STX8: variants seen among roughly 807,000 people sequenced by gnomAD.
The protein encoded by STX8 is syntaxin 8, also known as syntaxin-8.
A neutral mutation model predicts 37.5 loss-of-function variants in STX8; 23 were observed. That is an observed-to-expected ratio of 0.61 (90% CI 0.44 to 0.87). The LOEUF (loss-of-function observed/expected upper bound fraction) is 0.87, where lower values mean the gene tolerates loss of function less well. Among genes scored for constraint, STX8 ranks in the 40% least tolerant of loss-of-function variants. STX8 has a pLI of 0.00. For missense variants in STX8, 313 were observed against 284.7 expected (o/e 1.10, Z -0.71); for synonymous variants, 115 against 99.1 (o/e 1.16, Z -0.95).
chr17:9,515,492 T>TTC lies in STX8; in HGVS notation c.324-10332_324-10331dup, dbSNP rs142393139. Among the ~76,000 whole-genome samples the TTC allele has an allele frequency of 4.8e-3, 721 of 149,818 alleles. 7 individuals are homozygous for TTC. Among genetic ancestry groups the TTC allele is most frequent in the African/African-American group, 0.015 (595 of 40,966 alleles). ...CGACAGGTGTGTTTCTTTGAAGTCT[T>TTC]TCTCTCTCTCTCTCTCTCTCATTCA... On this transcript the variant is annotated intron_variant, in intron 4 of 7. Transcript: ENST00000306357.
intron 7 of STX8, among the ~76,000 whole-genome samples, chr17:9,265,880 C>T (rs1907214545): frequency 6.6e-6 from 1 of 152,148 alleles, no homozygotes; most frequent in South Asian, 2.1e-4. Context: ...ATGTAGTGGA[C>T]TAGAAGGCGG....
At chr17:9,440,524 G>GATTTT (rs1491323664) in intron 6 of STX8, among the ~76,000 whole-genome samples, 11 of 96,012 alleles carry the variant, frequency 1.1e-4, no homozygotes, top group African/African-American at 3.9e-4. Flanking sequence ...GTGAATCAAT[G>GATTTT]ATTTTTTTTT....
intron 4 of STX8, among the ~76,000 whole-genome samples, chr17:9,541,697 C>T (rs907688149): frequency 1.3e-5 from 2 of 152,150 alleles, no homozygotes; most frequent in Non-Finnish European, 2.9e-5. Flanking sequence ...AGCTAAAATC[C>T]AAGTTCTATG....
chr17:9,574,539 TTTA>T (rs1488125505), intron 1 of STX8, among the ~76,000 whole-genome samples: 1 of 63,466 alleles, frequency 1.6e-5, no homozygotes, highest in African/African-American at 3.8e-5. Flanking sequence ...TTTGGGGTTT[TTTA>T]TTTTTTTTTG....
At chr17:9,432,130 C>A (rs560254965) in intron 6 of STX8, among the ~76,000 whole-genome samples, 1 of 151,846 alleles carries the variant, frequency 6.6e-6, no homozygotes, top group Admixed American at 6.6e-5. Flanking sequence ...AAAACAACTG[C>A]TTTTCAGATT....
At chr17:9,492,975 G>A (rs996956586) in intron 5 of STX8, among the ~76,000 whole-genome samples, 5 of 152,088 alleles carry the variant, frequency 3.3e-5, no homozygotes, top group Non-Finnish European at 7.4e-5. Context: ...GCAGACACCT[G>A]TAGGCCCAGC....
chr17:9,526,747 G>A (rs978877042), intron 4 of STX8, among the ~76,000 whole-genome samples: 1 of 152,076 alleles, frequency 6.6e-6, no homozygotes, highest in Non-Finnish European at 1.5e-5. Context: ...GTGCGTGCCT[G>A]TAATCCCAGC....
intron 6 of STX8, among the ~76,000 whole-genome samples, chr17:9,418,567 G>A (rs1206091186): frequency 6.7e-6 from 1 of 148,702 alleles, no homozygotes; most frequent in East Asian, 2.0e-4. Flanking sequence ...AGTGGCTCAC[G>A]CCTGTAATCC....
chr17:9,412,290 T>C (rs1015724366), intron 6 of STX8, among the ~76,000 whole-genome samples: 1 of 152,138 alleles, frequency 6.6e-6, no homozygotes, highest in Non-Finnish European at 1.5e-5. Context: ...AATTTTTTTT[T>C]TTTTTTGAGA....
In STX8 at chr17:9,327,238, GAC is replaced by G. The variant is rs1280740841; in HGVS notation, c.643+51312_643+51313del. Among the ~76,000 whole-genome samples, 90 of 140,324 alleles carry G rather than the reference GAC, an allele frequency of 6.4e-4. 1 individual carries two copies. The highest frequency in any genetic ancestry group is 2.6e-3 in the African/African-American group (84 of 32,618). 92.1% of individuals were successfully genotyped at this position (140,324 alleles called of 152,430 possible). On this transcript the variant is annotated intron_variant, in intron 7 of 7. Transcript: ENST00000306357. ...AGAAGGAGGAAGAAGGAGGAAGGAG[GAC>G]AGAGGAGGAAGGAGGAAGGAGGAGG...
intron 7 of STX8, among the ~76,000 whole-genome samples, chr17:9,264,852 G>A (rs1000000024): frequency 1.1e-4 from 16 of 152,094 alleles, no homozygotes; most frequent in Admixed American, 8.5e-4. Context: ...AGTGGCTCAC[G>A]CCTGTAATCC....
intron 6 of STX8, among the ~76,000 whole-genome samples, chr17:9,433,742 C>T (rs1340037500): frequency 6.6e-6 from 1 of 152,086 alleles, no homozygotes; most frequent in African/African-American, 2.4e-5. Context: ...AGAGTGAAAA[C>T]TCTAGCTGCT....
At chr17:9,485,641 A>G (rs1906558788) in intron 6 of STX8, among the ~76,000 whole-genome samples, 1 of 150,478 alleles carries the variant, frequency 6.6e-6, no homozygotes, top group Non-Finnish European at 1.5e-5. Flanking sequence ...GCTGGAGTGC[A>G]GTGGCGTGAT....
chr17:9,396,676 C>T (rs1240950236), intron 6 of STX8, among the ~76,000 whole-genome samples: 2 of 148,256 alleles, frequency 1.3e-5, no homozygotes. Context: ...AGCCATTGCA[C>T]TCCATCCAGC....
chr17:9,389,559 A>AAATACCCG (rs1291133860), intron 6 of STX8, among the ~76,000 whole-genome samples: 1 of 152,238 alleles, frequency 6.6e-6, no homozygotes, highest in Non-Finnish European at 1.5e-5. Flanking sequence ...TATGATGTCA[A>AAATACCCG]AATACCCGAC....
At chr17:9,327,198 A>AAGG (rs1450796318) in intron 7 of STX8, among the ~76,000 whole-genome samples, 17 of 147,070 alleles carry the variant, frequency 1.2e-4, no homozygotes, top group African/African-American at 4.1e-4. Context: ...AAGAAGGAAG[A>AAGG]AGGAAGAAGG....
At chr17:9,564,033 T>G (rs1186758766) in intron 2 of STX8, among the ~76,000 whole-genome samples, 1 of 152,328 alleles carries the variant, frequency 6.6e-6, no homozygotes. Flanking sequence ...TTTGATAAAA[T>G]TCAACACCAC....
chr17:9,324,588 C>A (rs1047640988), intron 7 of STX8, among the ~76,000 whole-genome samples: 3 of 151,814 alleles, frequency 2.0e-5, no homozygotes, highest in African/African-American at 7.3e-5. Flanking sequence ...CATGGTGAAA[C>A]CCTGTCTCTA....
At chr17:9,568,266 T>C in intron 2 of STX8, 105 bp downstream of exon 2, 1 of 762,000 alleles carries the variant, frequency 1.3e-6, no homozygotes. Flanking sequence ...AGCAGATAGA[T>C]CATCATACAC....
Sources: allele counts gnomAD v4.1 joint callset (sites outside exome capture counted in the v4.1 genomes callset), GRCh38; gene constraint gnomAD v4.1.1; transcripts MANE v1.5; gene names NCBI Gene and HGNC (gene_info 2026-07-23, HGNC 2026-07-21).